CTNNA3: variants seen among roughly 807,000 people sequenced by gnomAD.
CTNNA3 encodes the protein catenin alpha-3.
CTNNA3 carries 76 observed loss-of-function variants against 95.7 expected under a neutral mutation model. The observed-to-expected ratio is 0.79, with a 90% confidence interval of 0.66 to 0.96. CTNNA3 has a LOEUF of 0.96. CTNNA3 is among the 40% of genes least tolerant of loss of function. The probability of loss-of-function intolerance (pLI) is 0.00; values close to 1 mark genes in which losing one functional copy is unlikely to be tolerated. For synonymous variants in CTNNA3, 431 were observed against 374.4 expected, an observed-to-expected ratio of 1.15 and a Z score of -1.74; for missense variants, 1,191 against 1,089.8, an observed-to-expected ratio of 1.09 and a Z score of -1.31.
At chr10:66,071,738 G>T (rs1316361199) in intron 14 of CTNNA3, among the ~76,000 whole-genome samples, 1 of 152,064 alleles carries the variant, frequency 6.6e-6, no homozygotes, top group Non-Finnish European at 1.5e-5. Flanking sequence ...TACCTGACAG[G>T]CTGTTTTGGA....
At chr10:66,579,670 G>C (rs1189612647) in intron 10 of CTNNA3, among the ~76,000 whole-genome samples, 2 of 151,494 alleles carry the variant, frequency 1.3e-5, no homozygotes, top group Non-Finnish European at 3.0e-5. Flanking sequence ...AGGTCTGCTG[G>C]TGTCAAATTA....
intron 11 of CTNNA3, among the ~76,000 whole-genome samples, chr10:66,491,116 T>C (rs78248848): frequency 0.036 from 5,543 of 152,176 alleles, 361 homozygotes; most frequent in African/African-American, 0.13. Context: ...ACCTTAGACA[T>C]CTAGAAACTC....
At chr10:67,404,730 C>A (rs1019365080) in intron 5 of CTNNA3, among the ~76,000 whole-genome samples, 1 of 151,994 alleles carries the variant, frequency 6.6e-6, no homozygotes, top group East Asian at 1.9e-4. Flanking sequence ...ACTTACTCCA[C>A]AAGAAGATCG....
intron 3 of CTNNA3, among the ~76,000 whole-genome samples, chr10:67,583,294 A>T (rs1176015564): frequency 6.6e-6 from 1 of 152,032 alleles, no homozygotes; most frequent in Non-Finnish European, 1.5e-5. Flanking sequence ...TCTGTAAAAT[A>T]TTTTATTTCT....
chr10:66,045,911 T>C (rs539679595), intron 15 of CTNNA3, among the ~76,000 whole-genome samples: 23 of 152,294 alleles, frequency 1.5e-4, no homozygotes, highest in Admixed American at 1.2e-3. Context: ...TTATCTTTTA[T>C]TAAGTTTATC....
intron 17 of CTNNA3, among the ~76,000 whole-genome samples, chr10:65,960,743 C>A (rs2133238871): frequency 6.6e-6 from 1 of 152,248 alleles, no homozygotes; most frequent in South Asian, 2.1e-4. Flanking sequence ...TAATGTTCAC[C>A]TCCCACTTGT....
intron 7 of CTNNA3, among the ~76,000 whole-genome samples, chr10:67,016,703 TTTGA>T (rs1408592699): frequency 1.3e-5 from 2 of 152,200 alleles, no homozygotes; most frequent in Non-Finnish European, 2.9e-5. Context: ...TCTTAGTGGG[TTTGA>T]TTATCTATTT....
At chr10:67,622,456 G>A (rs1843878626) in intron 2 of CTNNA3, among the ~76,000 whole-genome samples, 1 of 152,090 alleles carries the variant, frequency 6.6e-6, no homozygotes, top group Non-Finnish European at 1.5e-5. Flanking sequence ...GAAAAAGAGG[G>A]GAGCAACATT....
At chr10:66,866,810 A>G (rs9415866) in intron 7 of CTNNA3, among the ~76,000 whole-genome samples, 118,514 of 152,054 alleles carry the variant, frequency 0.78, 47,093 homozygotes, top group East Asian at 0.98. Context: ...GCTGATAGAC[A>G]GAAAACTAAC....
chr10:67,459,457 A>G (rs533298882), intron 5 of CTNNA3, among the ~76,000 whole-genome samples: 1 of 152,320 alleles, frequency 6.6e-6, no homozygotes, highest in Admixed American at 6.5e-5. Context: ...AACCAACTTA[A>G]GCTTCTTCTG....
intron 11 of CTNNA3, among the ~76,000 whole-genome samples, chr10:66,388,829 G>A (rs930586304): frequency 3.3e-5 from 5 of 152,028 alleles, no homozygotes; most frequent in African/African-American, 9.7e-5. Flanking sequence ...GTATTACTGT[G>A]ACACGTTCCC....
At chr10:66,618,282 G>T (rs1440702524) in intron 10 of CTNNA3, among the ~76,000 whole-genome samples, 1 of 151,808 alleles carries the variant, frequency 6.6e-6, no homozygotes, top group African/African-American at 2.4e-5. Flanking sequence ...AACAAAGCTG[G>T]AGGCATCACG....
At chr10:67,138,763 T>C (rs1296059244) in intron 7 of CTNNA3, among the ~76,000 whole-genome samples, 4 of 152,194 alleles carry the variant, frequency 2.6e-5, no homozygotes, top group Admixed American at 1.3e-4. Context: ...AATAGTGGCC[T>C]TATTGTTATT....
intron 7 of CTNNA3, among the ~76,000 whole-genome samples, chr10:66,816,741 C>T (rs958598432): frequency 1.3e-5 from 2 of 152,042 alleles, no homozygotes; most frequent in Non-Finnish European, 1.5e-5. Flanking sequence ...CCCAAATTCA[C>T]ATGAAACATT....
At chr10:67,484,502 A>G (rs1277863005) in intron 5 of CTNNA3, among the ~76,000 whole-genome samples, 1 of 152,228 alleles carries the variant, frequency 6.6e-6, no homozygotes, top group African/African-American at 2.4e-5. Context: ...AATTATCAAC[A>G]GAGCAGACAG....
At chr10:66,414,315 G>T (rs2093129627) in intron 11 of CTNNA3, among the ~76,000 whole-genome samples, 1 of 152,180 alleles carries the variant, frequency 6.6e-6, no homozygotes, top group South Asian at 2.1e-4. Context: ...AGAGAACACT[G>T]GAATCCAACA....
chr10:67,665,306 A>G (rs1407711168), intron 1 of CTNNA3, among the ~76,000 whole-genome samples: 4 of 152,234 alleles, frequency 2.6e-5, no homozygotes, highest in African/African-American at 4.8e-5. Context: ...TCGGAAAAGT[A>G]GACATTTAAA....
chr10:66,979,253 C>A (rs1850273147), intron 7 of CTNNA3, among the ~76,000 whole-genome samples: 1 of 152,108 alleles, frequency 6.6e-6, no homozygotes, highest in Non-Finnish European at 1.5e-5. Flanking sequence ...CAGGCATGAG[C>A]CACCATGCCT....
At chr10:66,550,919 C>T (rs1323791233) in intron 10 of CTNNA3, among the ~76,000 whole-genome samples, 2 of 151,986 alleles carry the variant, frequency 1.3e-5, no homozygotes, top group East Asian at 3.9e-4. Flanking sequence ...AGAAATGCTG[C>T]TACTTTATAA....
Sources: allele counts gnomAD v4.1 joint callset (sites outside exome capture counted in the v4.1 genomes callset), GRCh38; gene constraint gnomAD v4.1.1; transcripts MANE v1.5; gene names NCBI Gene and HGNC (gene_info 2026-07-23, HGNC 2026-07-21).